PAX8: variants seen among roughly 807,000 people sequenced by gnomAD.
PAX8 encodes paired box 8.
In PAX8, 15 loss-of-function variants were observed where a neutral mutation model predicts 52.4. That is an observed-to-expected ratio of 0.29 (90% CI 0.19 to 0.44). The LOEUF is 0.44. Ranked by LOEUF, PAX8 falls within the 20% of genes least tolerant of loss-of-function variation. The pLI, the probability that PAX8 is intolerant of heterozygous loss-of-function variation, is 1.00. For synonymous variants in PAX8, 284 were observed against 249.7 expected, an observed-to-expected ratio of 1.14 and a Z score of -1.29; for missense variants, 554 against 602.5, an observed-to-expected ratio of 0.92 and a Z score of 0.84.
intron 7 of PAX8, chr2:113,239,936 A>C (rs1440500152): frequency 6.6e-6 from 1 of 152,162 alleles, no homozygotes; most frequent in African/African-American, 2.4e-5. Flanking sequence ...TGAAAGCTCA[A>C]AGACTTTCTC....
Position 113,220,101 on chromosome 2 carries a change from T to C in PAX8, c.1267A>G (p.Ser423Gly), listed in dbSNP as rs199844947. ...YSEAWRFPNSSLLSSPYYYSS... is the reference protein window; with the variant it reads ...YSEAWRFPNSGLLSSPYYYSS... The stretch of plus-strand genomic sequence containing the variant: ...AGCCCCAGGGACTTACTCAGCAAGC[T>C]GGAGTTGGGGAAGCGCCAGGCCTCG... The change falls in exon 11 of 12, where the codon AGC becomes GGC. Residue 423 changes from serine to glycine, a missense_variant. Ser to Gly is a moderately conservative substitution (Grantham distance 56, BLOSUM62 0). This residue lies in a region of PAX8 where 445 missense variants were observed against 409.9 expected (regional missense o/e 1.09). Transcript: ENST00000429538. The C allele has an allele frequency of 1.7e-4, 278 of 1,612,870 alleles. No individual in the cohort carries two copies. The highest frequency in any genetic ancestry group is 2.2e-4 in the Non-Finnish European group (260 of 1,179,284).
chr2:113,245,532 T>C (rs1691244271), intron 3 of PAX8, among the ~76,000 whole-genome samples: 1 of 152,188 alleles, frequency 6.6e-6, no homozygotes, highest in African/African-American at 2.4e-5. Context: ...TCATGGACTC[T>C]GGAATCCTGA....
chr2:113,258,418 C>T (rs143924408), intron 2 of PAX8, among the ~76,000 whole-genome samples: 94 of 152,192 alleles, frequency 6.2e-4, no homozygotes, highest in Middle Eastern at 3.4e-3. Flanking sequence ...CAGTTCTTAC[C>T]AGCTCTCTGT....
chr2:113,228,252 C>T (rs542061405), intron 9 of PAX8, among the ~76,000 whole-genome samples: 1 of 152,168 alleles, frequency 6.6e-6, no homozygotes, highest in South Asian at 2.1e-4. Context: ...TTCTCCTTCA[C>T]CCCAAGATTC....
chr2:113,277,792 G>A (rs1693928595), intron 2 of PAX8, among the ~76,000 whole-genome samples: 1 of 152,192 alleles, frequency 6.6e-6, no homozygotes. Context: ...CTCACCAGCC[G>A]GACGCCCCGC....
intron 2 of PAX8, among the ~76,000 whole-genome samples, chr2:113,247,132 T>C (rs1427934911): frequency 6.6e-6 from 1 of 152,226 alleles, no homozygotes; most frequent in Non-Finnish European, 1.5e-5. Flanking sequence ...TCCCCCACGA[T>C]GGGATGGTGT....
At chr2:113,241,138 A>T (rs1036868233) in intron 7 of PAX8, 1 of 345,556 alleles carries the variant, frequency 2.9e-6, no homozygotes, top group African/African-American at 2.1e-5. Flanking sequence ...GCCATGAGTA[A>T]TGCAAGAGCA....
intron 2 of PAX8, among the ~76,000 whole-genome samples, chr2:113,277,675 G>C (rs939790114): frequency 1.3e-5 from 2 of 152,198 alleles, no homozygotes; most frequent in African/African-American, 4.8e-5. Context: ...AGCCCTGGCC[G>C]GGAAGGGGGA....
intron 10 of PAX8, among the ~76,000 whole-genome samples, chr2:113,221,670 C>T (rs956010252): frequency 1.4e-4 from 22 of 152,094 alleles, no homozygotes; most frequent in African/African-American, 1.9e-4. Context: ...TAAACAGGTG[C>T]GAAAATAAAG....
At chr2:113,232,754 G>A (rs1453908377) in intron 9 of PAX8, among the ~76,000 whole-genome samples, 2 of 152,114 alleles carry the variant, frequency 1.3e-5, no homozygotes, top group Non-Finnish European at 2.9e-5. Context: ...GCCCTGGGCT[G>A]TTCCAGTTGC....
chr2:113,220,306 G>C, intron 10 of PAX8, 128 bp from the exon 11 acceptor site: 1 of 705,438 alleles, frequency 1.4e-6, no homozygotes, highest in Non-Finnish European at 2.6e-6. Context: ...TTGGAGCCAC[G>C]GCAGGGACAA....
rs1166244277 is a variant in PAX8 at position 113,227,195 on chromosome 2, C to G, written c.1149G>C (p.Gln383His). The G allele has an allele frequency of 3.1e-6, 5 of 1,609,434 alleles. No individual in the cohort carries two copies. Among genetic ancestry groups the G allele is most frequent in the Non-Finnish European group, 4.2e-6 (5 of 1,178,336 alleles). ...CGATGGCAGAGGAGGCATAGCTGCC[C>G]TGTCCGCTGGTGGGGATGTGGGGTG... ...GYPPHIPTSGQGSYASSAIAG... is the reference protein window; with the variant it reads ...GYPPHIPTSGHGSYASSAIAG... Residue 383 changes from glutamine (Q) to histidine (H), a missense_variant, in exon 10 of 12, where the codon CAG becomes CAC. Around this residue, in one of 2 missense-constraint regions of PAX8, gnomAD observed 445 missense variants for 409.9 expected, o/e 1.09. Coordinates refer to ENST00000429538, the MANE Select transcript of PAX8 (RefSeq NM_003466.4).
intron 2 of PAX8, among the ~76,000 whole-genome samples, chr2:113,264,532 T>G (rs1692921673): frequency 6.6e-6 from 1 of 152,226 alleles, no homozygotes; most frequent in Non-Finnish European, 1.5e-5. Context: ...ATTGGAGAAT[T>G]AGGTGAAAAC....
At chr2:113,235,085 CTATT>C (rs1436817186) in intron 9 of PAX8, among the ~76,000 whole-genome samples, 1 of 152,178 alleles carries the variant, frequency 6.6e-6, no homozygotes, top group Non-Finnish European at 1.5e-5. Context: ...TTCCTTCTAT[CTATT>C]TATGCATTTA....
intron 7 of PAX8, chr2:113,240,887 A>T (rs1310059508): frequency 6.3e-6 from 1 of 159,538 alleles, no homozygotes. Context: ...CTGCTAGATT[A>T]TTAAGTGACA....
rs965937085 is a variant in PAX8, at chr2:113,216,164, C to T, written c.*2369G>A. 10 of 229,842 alleles carry T rather than the reference C, an allele frequency of 4.4e-5. No individual in the cohort carries two copies. Among genetic ancestry groups the T allele is most frequent in the Middle Eastern group, 1.3e-3 (1 of 794 alleles). The allele number at this position is 229,842 out of a possible 1,614,324, so 14.2% of individuals were successfully genotyped here. A position where few individuals can be genotyped will look rare whatever the true frequency, so the allele number is the denominator to read the frequency against. Reference sequence around the variant, plus strand: ...AAGTGATTCTTGGGTAGGGAGCCCTCGGGATCCCAGAGGTTTGTGGTCAGG... The same window carrying T: ...AAGTGATTCTTGGGTAGGGAGCCCTTGGGATCCCAGAGGTTTGTGGTCAGG... On this transcript the variant is annotated 3_prime_UTR_variant, in exon 12 of 12. Transcript: ENST00000429538.
At chr2:113,254,910 C>G (rs535660467) in intron 2 of PAX8, among the ~76,000 whole-genome samples, 4 of 152,124 alleles carry the variant, frequency 2.6e-5, no homozygotes, top group South Asian at 2.1e-4. Context: ...AAAGTCTTCC[C>G]TGGCTTTCCC....
Position 113,247,041 on chromosome 2 carries a change from G to A in PAX8, c.26-122C>T, listed in dbSNP as rs143550494. ...TTTGACTGTGACCATGAAATCCCACGGCCAGGCCCTGTGGGCCCCTCTGCA... is the reference window on the plus strand; with the variant it reads ...TTTGACTGTGACCATGAAATCCCACAGCCAGGCCCTGTGGGCCCCTCTGCA... On this transcript the variant is annotated intron_variant, in intron 2 of 11. Transcript: ENST00000429538. 1.9e-3 allele frequency: 1,824 copies of A among 966,326 alleles called. 3 individuals are homozygous for A. Among genetic ancestry groups the A allele is most frequent in the African/African-American group, 6.9e-3 (426 of 62,056 alleles). 59.9% of individuals were successfully genotyped at this position (966,326 alleles called of 1,614,324 possible). A position where few individuals can be genotyped will look rare whatever the true frequency, so the allele number is the denominator to read the frequency against.
At chr2:113,218,646 G>A in intron 11 of PAX8, 37 bp from the exon 12 acceptor site, 2 of 1,376,214 alleles carry the variant, frequency 1.5e-6, no homozygotes, top group South Asian at 1.3e-5. Context: ...CAACACTGCT[G>A]GTCAGAAAGG....
Sources: gnomAD v4.1 joint callset for allele counts (sites outside exome capture counted in the v4.1 genomes callset) on GRCh38, gnomAD v4.1.1 for gene constraint, gnomAD v4.1.1 regional missense constraint, MANE v1.5 for transcripts, NCBI Gene and HGNC (gene_info 2026-07-23, HGNC 2026-07-21) for gene names.